The following LSAMP variants were observed in gnomAD, a reference collection of about 807,000 sequenced individuals.
LSAMP encodes the protein limbic system-associated membrane protein.
LSAMP carries 7 observed loss-of-function variants against 38.6 expected under a neutral mutation model. That is an observed-to-expected ratio of 0.18 (90% CI 0.10 to 0.34). LSAMP has a LOEUF of 0.34. LSAMP is among the 10% of genes least tolerant of loss of function. The pLI, the probability that LSAMP is intolerant of heterozygous loss-of-function variation, is 1.00. For missense variants in LSAMP, 313 were observed against 420.0 expected (o/e 0.75, Z 2.23); for synonymous variants, 154 against 166.8 (o/e 0.92, Z 0.59).
intron 1 of LSAMP, among the ~76,000 whole-genome samples, chr3:116,376,104 C>A (rs914991561): frequency 6.6e-6 from 1 of 151,966 alleles, no homozygotes; most frequent in African/African-American, 2.4e-5. Flanking sequence ...TAATGTCTGC[C>A]AACAAATGTT....
chr3:115,840,153 G>T (rs896845362), intron 6 of LSAMP, among the ~76,000 whole-genome samples: 1 of 151,982 alleles, frequency 6.6e-6, no homozygotes, highest in Non-Finnish European at 1.5e-5. Flanking sequence ...CTTAGTCTAG[G>T]TTAAATAGAA....
intron 3 of LSAMP, among the ~76,000 whole-genome samples, chr3:115,919,960 G>A (rs1414276417): frequency 6.6e-6 from 1 of 152,126 alleles, no homozygotes; most frequent in Non-Finnish European, 1.5e-5. Flanking sequence ...TTGTCATTTT[G>A]TGACTGGCTA....
chr3:116,119,829 T>C (rs1708836059), intron 1 of LSAMP, among the ~76,000 whole-genome samples: 1 of 151,838 alleles, frequency 6.6e-6, no homozygotes, highest in African/African-American at 2.4e-5. Flanking sequence ...CCCAGCTAAT[T>C]TTTGTATTTT....
intron 2 of LSAMP, among the ~76,000 whole-genome samples, chr3:116,080,026 G>T (rs1707837881): frequency 6.6e-6 from 1 of 152,158 alleles, no homozygotes; most frequent in Non-Finnish European, 1.5e-5. Context: ...AAATATCTGT[G>T]TAACAACCAG....
intron 1 of LSAMP, among the ~76,000 whole-genome samples, chr3:116,160,999 G>GAGAT (rs1709874245): frequency 3.3e-5 from 5 of 152,316 alleles, no homozygotes; most frequent in Middle Eastern, 3.4e-3. Flanking sequence ...GCTATTCAAT[G>GAGAT]AGATAGTCTC....
chr3:116,144,786 G>A (rs2141625), intron 1 of LSAMP, among the ~76,000 whole-genome samples: 5,037 of 151,370 alleles, frequency 0.033, 222 homozygotes, highest in African/African-American at 0.1. Context: ...CAAATTTCCC[G>A]GGTGCTTTTG....
intron 2 of LSAMP, among the ~76,000 whole-genome samples, chr3:116,059,832 T>C (rs1941558202): frequency 6.6e-6 from 1 of 152,186 alleles, no homozygotes; most frequent in Non-Finnish European, 1.5e-5. Flanking sequence ...TGTGAGTGCT[T>C]GTCTGAGTCA....
chr3:116,208,650 A>G (rs1034012924), intron 1 of LSAMP, among the ~76,000 whole-genome samples: 10 of 151,948 alleles, frequency 6.6e-5, no homozygotes, highest in Admixed American at 2.0e-4. Context: ...GTCTGTTGGA[A>G]TACCCTGCCG....
chr3:116,437,750 A>G (rs1363922375), intron 1 of LSAMP, among the ~76,000 whole-genome samples: 2 of 152,188 alleles, frequency 1.3e-5, no homozygotes, highest in African/African-American at 4.8e-5. Flanking sequence ...TATAATAAAA[A>G]TGGCATTTCA....
In LSAMP at chr3:116,296,694, C is replaced by CAA. The variant is rs10659032; in HGVS notation, c.155+148181_155+148182dup. Reference sequence around the variant, plus strand: ...TGGGCGACAGAGCGTGACTCTGTCTCAAAAAAAAAAAAAAAAAAAAAAAAA... The same window carrying CAA: ...TGGGCGACAGAGCGTGACTCTGTCTCAAAAAAAAAAAAAAAAAAAAAAAAAAA... On this transcript the variant is annotated intron_variant, in intron 1 of 6. Coordinates refer to ENST00000490035, the MANE Select transcript of LSAMP (RefSeq NM_002338.5). Among the ~76,000 whole-genome samples the CAA allele has an allele frequency of 4.2e-4, 25 of 59,720 alleles. 1 individual carries two copies. The highest frequency in any genetic ancestry group is 1.1e-3 in the Admixed American group (4 of 3,498). 39.2% of individuals were successfully genotyped at this position (59,720 alleles called of 152,430 possible).
intron 1 of LSAMP, among the ~76,000 whole-genome samples, chr3:116,247,435 T>C (rs1286629801): frequency 2.6e-5 from 4 of 152,180 alleles, no homozygotes; most frequent in South Asian, 2.1e-4. Context: ...AACACACTAA[T>C]TGATAGACTG....
In LSAMP at chr3:116,164,743, C is replaced by CATATATATATATATATATATCCATATAT. The variant is rs1329964354; in HGVS notation, c.156-78188_156-78187insATATATGGATATATATATATATATATAT. On this transcript the variant is annotated intron_variant, in intron 1 of 6. Coordinates refer to ENST00000490035, the MANE Select transcript of LSAMP (RefSeq NM_002338.5). ...TATATAATCCAAATATATATATATC[C>CATATATATATATATATATATCCATATAT]ATATATATATATATATATTTTTTTT... 3.5e-4 allele frequency among the ~76,000 whole-genome samples: 17 copies of CATATATATATATATATATATCCATATAT among 48,448 alleles called. 1 individual carries two copies. The highest frequency in any genetic ancestry group is 1.3e-3 in the African/African-American group (17 of 12,670). 31.8% of individuals were successfully genotyped at this position (48,448 alleles called of 152,430 possible). A position where few individuals can be genotyped will look rare whatever the true frequency, so the allele number is the denominator to read the frequency against.
chr3:115,821,939 A>T (rs1934253284), intron 6 of LSAMP, among the ~76,000 whole-genome samples: 1 of 152,198 alleles, frequency 6.6e-6, no homozygotes, highest in Non-Finnish European at 1.5e-5. Context: ...AATTTTTGAA[A>T]AATAAAACCT....
At chr3:115,880,865 G>C (rs1025230785) in intron 3 of LSAMP, among the ~76,000 whole-genome samples, 1 of 151,570 alleles carries the variant, frequency 6.6e-6, no homozygotes, top group Admixed American at 6.6e-5. Context: ...GTAAAACCCT[G>C]TCTCTACCAA....
intron 1 of LSAMP, among the ~76,000 whole-genome samples, chr3:116,087,874 G>T (rs1006052654): frequency 1.3e-5 from 2 of 150,940 alleles, no homozygotes; most frequent in Admixed American, 1.3e-4. Context: ...TAAACGAATT[G>T]TATATGTTAT....
At chr3:116,246,156 A>G (rs1319951257) in intron 1 of LSAMP, among the ~76,000 whole-genome samples, 1 of 152,196 alleles carries the variant, frequency 6.6e-6, no homozygotes, top group Non-Finnish European at 1.5e-5. Flanking sequence ...ACAAAAGTCG[A>G]TGCTCCCTTT....
chr3:116,017,771 T>C (rs1940525579), intron 3 of LSAMP, among the ~76,000 whole-genome samples: 2 of 152,142 alleles, frequency 1.3e-5, no homozygotes, highest in Admixed American at 6.6e-5. Flanking sequence ...TTTCCTCAAA[T>C]GGTCTTTTCA....
At chr3:116,265,949 G>T (rs1373071252) in intron 1 of LSAMP, among the ~76,000 whole-genome samples, 1 of 108,000 alleles carries the variant, frequency 9.3e-6, no homozygotes, top group African/African-American at 2.5e-5. Context: ...AGTTTAAAAA[G>T]TTGTGGGGTT....
At chr3:116,321,489 G>A (rs974736525) in intron 1 of LSAMP, among the ~76,000 whole-genome samples, 2 of 152,106 alleles carry the variant, frequency 1.3e-5, no homozygotes, top group African/African-American at 4.8e-5. Context: ...GCATATTAGG[G>A]GCTTTTCAGG....
Sources: gnomAD v4.1 joint callset for allele counts (sites outside exome capture counted in the v4.1 genomes callset) on GRCh38, gnomAD v4.1.1 for gene constraint, MANE v1.5 for transcripts, NCBI Gene and HGNC (gene_info 2026-07-23, HGNC 2026-07-21) for gene names.